Variants in FBXO28 observed in about 807,000 individuals in gnomAD.
The protein encoded by FBXO28 is F-box only protein 28.
In FBXO28, 8 loss-of-function variants were observed where a neutral mutation model predicts 38.1. That is an observed-to-expected ratio of 0.21 (90% CI 0.12 to 0.38). FBXO28 has a LOEUF of 0.38. Among genes scored for constraint, FBXO28 ranks in the 10% least tolerant of loss-of-function variants. The pLI is 1.00. For missense variants in FBXO28, 345 were observed against 460.6 expected, an observed-to-expected ratio of 0.75 and a Z score of 2.30; for synonymous variants, 168 against 173.8, an observed-to-expected ratio of 0.97 and a Z score of 0.26.
At chr1:224,153,921 CAA>C (rs3065992) in intron 4 of FBXO28, among the ~76,000 whole-genome samples, 13 of 130,592 alleles carry the variant, frequency 1.0e-4, no homozygotes, top group African/African-American at 8.4e-5. Context: ...AACTCCATCT[CAA>C]AAAAAAAAAA....
intron 1 of FBXO28, among the ~76,000 whole-genome samples, chr1:224,116,293 A>G (rs1306202397): frequency 6.6e-6 from 1 of 152,170 alleles, no homozygotes; most frequent in Non-Finnish European, 1.5e-5. Context: ...GTAACGTTAG[A>G]AAAGAAAGAT....
chr1:224,119,388 C>T (rs1572004545), intron 1 of FBXO28, among the ~76,000 whole-genome samples: 1 of 151,882 alleles, frequency 6.6e-6, no homozygotes, highest in Non-Finnish European at 1.5e-5. Context: ...CTGCCTGCTT[C>T]GGCCTACCAA....
chr1:224,134,099 T>G lies in FBXO28; in HGVS notation c.403T>G (p.Ser135Ala), dbSNP rs746108542. The change falls in exon 3 of 5, where the codon TCA becomes GCA. Residue 135 changes from serine to alanine, a missense_variant. Transcript: ENST00000366862. ...PRRESERRNH[S>A]LARHADILAA... ...GAGAGAGTCAGAAAGGAGAAACCAT[T>G]CATTAGCTCGTCATGCAGACATTCT... 1 of 1,591,422 alleles carries G rather than the reference T, an allele frequency of 6.3e-7. No individual in the cohort carries two copies.
At chr1:224,127,878 A>T (rs565412389) in intron 1 of FBXO28, among the ~76,000 whole-genome samples, 1 of 152,210 alleles carries the variant, frequency 6.6e-6, no homozygotes, top group African/African-American at 2.4e-5. Flanking sequence ...CTGCACTTCA[A>T]CCTGGGTGAC....
intron 3 of FBXO28, among the ~76,000 whole-genome samples, chr1:224,152,094 G>A (rs557835546): frequency 1.3e-5 from 2 of 150,770 alleles, no homozygotes; most frequent in South Asian, 4.2e-4. Flanking sequence ...CCACAGGGAA[G>A]AATTAAGGAT....
intron 2 of FBXO28, among the ~76,000 whole-genome samples, chr1:224,133,091 G>A (rs1278051542): frequency 1.3e-5 from 2 of 152,176 alleles, no homozygotes; most frequent in Non-Finnish European, 2.9e-5. Flanking sequence ...AATGAACCTG[G>A]AAAACTATGC....
chr1:224,122,560 C>T lies in FBXO28; in HGVS notation c.268-7912C>T, dbSNP rs577727247. Among the ~76,000 whole-genome samples the T allele has an allele frequency of 3.3e-5, 5 of 151,932 alleles. No homozygotes were observed. The East Asian group carries it at 9.6e-4, about 29-fold the overall frequency. On this transcript the variant is annotated intron_variant, in intron 1 of 4. Transcript: ENST00000366862. ...ATTGTTCTCTAATCTAGAACATTGTCCCCACTTTTTTCATTCTTTCATGCC... is the reference window on the plus strand; with the variant it reads ...ATTGTTCTCTAATCTAGAACATTGTTCCCACTTTTTTCATTCTTTCATGCC...
chr1:224,128,504 A>G (rs1242746557), intron 1 of FBXO28, among the ~76,000 whole-genome samples: 1 of 152,182 alleles, frequency 6.6e-6, no homozygotes, highest in African/African-American at 2.4e-5. Flanking sequence ...ATAGCACTTT[A>G]GAGTTTACCA....
At chr1:224,123,112 G>A (rs1359291193) in intron 1 of FBXO28, among the ~76,000 whole-genome samples, 1 of 151,956 alleles carries the variant, frequency 6.6e-6, no homozygotes, top group Non-Finnish European at 1.5e-5. Context: ...ATGTCTTTAA[G>A]TTCCTTTCAG....
At chr1:224,119,135 CTTTTT>C (rs67458349) in intron 1 of FBXO28, among the ~76,000 whole-genome samples, 3 of 109,910 alleles carry the variant, frequency 2.7e-5, no homozygotes, top group Admixed American at 1.2e-4. Flanking sequence ...TCTTTTTTTT[CTTTTT>C]TTTTTTTTTT....
At chr1:224,127,822 G>T (rs972617197) in intron 1 of FBXO28, among the ~76,000 whole-genome samples, 1 of 152,170 alleles carries the variant, frequency 6.6e-6, no homozygotes, top group Non-Finnish European at 1.5e-5. Flanking sequence ...CAGGAGAATG[G>T]CTTGAACCTG....
chr1:224,129,952 T>A (rs1322166031), intron 1 of FBXO28, among the ~76,000 whole-genome samples: 1 of 151,756 alleles, frequency 6.6e-6, no homozygotes, highest in East Asian at 1.9e-4. Context: ...ATCGCGCCAC[T>A]GCGCTCCAGC....
At chr1:224,133,192 G>T (rs1657095036) in intron 2 of FBXO28, among the ~76,000 whole-genome samples, 1 of 152,212 alleles carries the variant, frequency 6.6e-6, no homozygotes, top group African/African-American at 2.4e-5. Context: ...ACAGAAAGTA[G>T]ATTAGTATTG....
At chr1:224,139,764 G>GCATGCATACATA (rs1386239166) in intron 3 of FBXO28, among the ~76,000 whole-genome samples, 19,051 of 145,688 alleles carry the variant, frequency 0.13, 1,361 homozygotes, top group African/African-American at 0.18. Flanking sequence ...ATGCATGCAT[G>GCATGCATACATA]CATACATACA....
intron 1 of FBXO28, among the ~76,000 whole-genome samples, chr1:224,123,524 T>A (rs3820482): frequency 0.52 from 77,369 of 150,230 alleles, 20,956 homozygotes; most frequent in South Asian, 0.61. Flanking sequence ...ATATTTAACA[T>A]TTTTGAAATC....
At chr1:224,144,229 C>T (rs2102628316) in intron 3 of FBXO28, among the ~76,000 whole-genome samples, 1 of 149,530 alleles carries the variant, frequency 6.7e-6, no homozygotes, top group South Asian at 2.1e-4. Context: ...TTTGGGAGGC[C>T]AAGATAGGAG....
rs573819065 is a variant in FBXO28 at position 224,136,878 on chromosome 1, A to G, written c.516+2666A>G. On this transcript the variant is annotated intron_variant, in intron 3 of 4. Coordinates refer to ENST00000366862, the MANE Select transcript of FBXO28 (RefSeq NM_015176.4). ...GCGATTCTCATGCCTCAGCCTCCCA[A>G]GTAGCTGAGACTACAGGTGCACACC... 1.3e-4 allele frequency among the ~76,000 whole-genome samples: 20 copies of G among 151,434 alleles called. 1 individual carries two copies. The highest frequency in any genetic ancestry group is 4.6e-4 in the Admixed American group (7 of 15,254).
chr1:224,130,463 TCC>T lies in FBXO28; in HGVS notation c.268-8_268-7del. 6.3e-7 allele frequency: 1 copy of T among 1,599,274 alleles called. No homozygotes were observed. Among genetic ancestry groups the T allele is most frequent in the Non-Finnish European group, 8.6e-7 (1 of 1,167,548 alleles). ...GGTTATTGATTTTTGTTCTTTTTTC[TCC>T]TTGAAGGTTTGTAAAAGAATGGACT... On this transcript the variant is annotated splice_polypyrimidine_tract_variant and splice_region_variant and intron_variant, in intron 1 of 4. Transcript: ENST00000366862.
At chr1:224,122,089 T>TA (rs1426979820) in intron 1 of FBXO28, among the ~76,000 whole-genome samples, 4 of 152,316 alleles carry the variant, frequency 2.6e-5, no homozygotes, top group African/African-American at 9.6e-5. Flanking sequence ...GAATTTTTTT[T>TA]AAAGATTAAA....
Sources: gnomAD v4.1 joint callset for allele counts (sites outside exome capture counted in the v4.1 genomes callset) on GRCh38, gnomAD v4.1.1 for gene constraint, MANE v1.5 for transcripts, NCBI Gene and HGNC (gene_info 2026-07-23, HGNC 2026-07-21) for gene names.